Variants in ARHGAP6 observed in about 807,000 individuals in gnomAD.
ARHGAP6 encodes rho GTPase-activating protein 6.
In ARHGAP6, 16 loss-of-function variants were observed where a neutral mutation model predicts 55.7. That is an observed-to-expected ratio of 0.29 (90% CI 0.19 to 0.44). The LOEUF is 0.44. ARHGAP6 is among the 20% of genes least tolerant of loss of function. The pLI is 1.00. For synonymous variants in ARHGAP6, 382 were observed against 360.9 expected (o/e 1.06, Z -0.66); for missense variants, 698 against 808.9 (o/e 0.86, Z 1.66).
intron 1 of ARHGAP6, among the ~76,000 whole-genome samples, chrX:11,360,665 G>C (rs1468454539): frequency 8.3e-5 from 9 of 108,407 alleles, no homozygotes; most frequent in Non-Finnish European, 1.1e-4. Context: ...AGGGCAATTA[G>C]GCAGGAGAAG....
At chrX:11,493,323 G>A (rs768717177) in intron 1 of ARHGAP6, among the ~76,000 whole-genome samples, 1 of 112,031 alleles carries the variant, frequency 8.9e-6, no homozygotes, top group African/African-American at 3.2e-5. Flanking sequence ...GATTCAAAGA[G>A]TGATGCACAT....
At chrX:11,660,327 G>A (rs2147207937) in intron 1 of ARHGAP6, among the ~76,000 whole-genome samples, 1 of 108,709 alleles carries the variant, frequency 9.2e-6, no homozygotes, top group South Asian at 4.1e-4. Flanking sequence ...TTGGGAGGGT[G>A]AGGCAGGCAG....
chrX:11,155,945 TGCA>T (rs2045857761), intron 10 of ARHGAP6, among the ~76,000 whole-genome samples: 1 of 112,764 alleles, frequency 8.9e-6, no homozygotes, highest in Non-Finnish European at 1.9e-5. Context: ...AGCCATAGCC[TGCA>T]GCATGGCTTG....
chrX:11,513,456 G>A (rs1326262948), intron 1 of ARHGAP6, among the ~76,000 whole-genome samples: 12 of 112,082 alleles, frequency 1.1e-4, no homozygotes, highest in Non-Finnish European at 5.6e-5. Context: ...GTTGGAAGGC[G>A]TAACATCCAA....
chrX:11,427,713 G>T, intron 1 of ARHGAP6: 4 of 799,043 alleles, frequency 5.0e-6, no homozygotes, highest in Non-Finnish European at 6.0e-6. Flanking sequence ...CCTGCTCCGT[G>T]CGTGCCGAGT....
chrX:11,595,837 G>T (rs746435894), intron 1 of ARHGAP6, among the ~76,000 whole-genome samples: 1 of 112,134 alleles, frequency 8.9e-6, no homozygotes, highest in Non-Finnish European at 1.9e-5. Context: ...ATCATCGCTG[G>T]TCATTAGAGA....
intron 2 of ARHGAP6, among the ~76,000 whole-genome samples, chrX:11,202,138 T>G (rs1385142415): frequency 1.8e-5 from 2 of 109,786 alleles, no homozygotes; most frequent in Non-Finnish European, 3.8e-5. Context: ...GCAGAGAAGT[T>G]GACTGAGTTT....
chrX:11,342,711 A>G (rs1297451543), intron 1 of ARHGAP6, among the ~76,000 whole-genome samples: 3 of 112,389 alleles, frequency 2.7e-5, no homozygotes, highest in African/African-American at 9.7e-5. Flanking sequence ...ATATATGGTA[A>G]CACCTAACTT....
At chrX:11,361,140 T>C (rs2147692930) in intron 1 of ARHGAP6, among the ~76,000 whole-genome samples, 1 of 108,174 alleles carries the variant, frequency 9.2e-6, no homozygotes, top group African/African-American at 3.4e-5. Flanking sequence ...CTTCACAGAA[T>C]TGGAAAAAAC....
intron 1 of ARHGAP6, among the ~76,000 whole-genome samples, chrX:11,320,823 T>TAC (rs201097078): frequency 2.1e-4 from 22 of 103,217 alleles, no homozygotes; most frequent in South Asian, 4.5e-4. Flanking sequence ...GTGTATAATA[T>TAC]ACACACACAC....
intron 2 of ARHGAP6, among the ~76,000 whole-genome samples, chrX:11,217,207 T>C (rs754906093): frequency 2.1e-4 from 24 of 112,204 alleles, no homozygotes; most frequent in African/African-American, 7.8e-4. Flanking sequence ...GTAAAATGAT[T>C]TATAATCCTT....
intron 2 of ARHGAP6, among the ~76,000 whole-genome samples, chrX:11,221,895 C>T (rs1487992639): frequency 1.8e-5 from 2 of 111,030 alleles, no homozygotes; most frequent in Non-Finnish European, 3.8e-5. Context: ...CTACCCTCCA[C>T]CCTTAAGTAG....
At chrX:11,439,205 G>T (rs1403738132) in intron 1 of ARHGAP6, among the ~76,000 whole-genome samples, 3 of 112,633 alleles carry the variant, frequency 2.7e-5, no homozygotes, top group African/African-American at 9.7e-5. Context: ...GAACAAACCT[G>T]TGGGGAGATA....
At chrX:11,186,676 T>C (rs2046390202) in intron 4 of ARHGAP6, among the ~76,000 whole-genome samples, 1 of 112,109 alleles carries the variant, frequency 8.9e-6, no homozygotes, top group Admixed American at 9.5e-5. Flanking sequence ...TAGACAACAT[T>C]TTCCAAATGG....
chrX:11,143,607 C>T (rs2045648538), intron 11 of ARHGAP6: 5 of 952,173 alleles, frequency 5.3e-6, no homozygotes, highest in Non-Finnish European at 1.3e-6. Flanking sequence ...AATGTAACAG[C>T]AGTAATTGGG....
At chrX:11,383,766 T>G (rs1211052896) in intron 1 of ARHGAP6, among the ~76,000 whole-genome samples, 2 of 111,679 alleles carry the variant, frequency 1.8e-5, no homozygotes, top group Admixed American at 9.5e-5. Flanking sequence ...TGGCTATAAC[T>G]TATGAAGAAA....
intron 1 of ARHGAP6, among the ~76,000 whole-genome samples, chrX:11,563,338 TTAA>T (rs749055710): frequency 1.2e-5 from 1 of 84,189 alleles, no homozygotes; most frequent in African/African-American, 5.5e-5. Context: ...ATAATCCAAT[TTAA>T]TAATAATAAG....
At chrX:11,155,631 A>G (rs1275211315) in intron 10 of ARHGAP6, among the ~76,000 whole-genome samples, 1 of 112,105 alleles carries the variant, frequency 8.9e-6, no homozygotes, top group Non-Finnish European at 1.9e-5. Context: ...TCTCAATTTC[A>G]GAGATCATAG....
chrX:11,286,747 G>A (rs1477499465), intron 1 of ARHGAP6, among the ~76,000 whole-genome samples: 1 of 112,040 alleles, frequency 8.9e-6, no homozygotes, highest in Non-Finnish European at 1.9e-5. Flanking sequence ...TAATTATCTG[G>A]CCCCAAATGC....
Sources: gnomAD v4.1 joint callset for allele counts (sites outside exome capture counted in the v4.1 genomes callset) on GRCh38, gnomAD v4.1.1 for gene constraint, MANE v1.5 for transcripts, NCBI Gene and HGNC (gene_info 2026-07-23, HGNC 2026-07-21) for gene names.